The following CHRM3 variants were observed in gnomAD, a reference collection of about 807,000 sequenced individuals.
The protein encoded by CHRM3 is cholinergic receptor muscarinic 3, also known as muscarinic acetylcholine receptor M3.
Under a neutral mutation model 41.8 loss-of-function variants are expected in CHRM3, and 11 were observed. The observed-to-expected ratio is 0.26, with a 90% CI of 0.17 to 0.44. The LOEUF is 0.44. Ranked by LOEUF, CHRM3 falls within the 20% of genes least tolerant of loss-of-function variation. CHRM3 has a pLI of 1.00. For synonymous variants in CHRM3, 297 were observed against 301.4 expected, an observed-to-expected ratio of 0.99 and a Z score of 0.15; for missense variants, 571 against 745.4, an observed-to-expected ratio of 0.77 and a Z score of 2.72.
chr1:239,451,259 T>C (rs1664536292), intron 1 of CHRM3, among the ~76,000 whole-genome samples: 3 of 152,180 alleles, frequency 2.0e-5, no homozygotes, highest in Non-Finnish European at 4.4e-5. Context: ...CCAACCACAC[T>C]ATAGTAGTCT....
chr1:239,407,997 T>C (rs1414175101), intron 1 of CHRM3, among the ~76,000 whole-genome samples: 1 of 152,090 alleles, frequency 6.6e-6, no homozygotes. Context: ...GCAATTGATA[T>C]GGTTTGCCTG....
At chr1:239,794,747 A>G (rs1392628089) in intron 5 of CHRM3, among the ~76,000 whole-genome samples, 1 of 152,228 alleles carries the variant, frequency 6.6e-6, no homozygotes, top group East Asian at 1.9e-4. Context: ...TTTATAACAC[A>G]TGAAACCACT....
At chr1:239,565,257 G>A (rs1661242869) in intron 3 of CHRM3, among the ~76,000 whole-genome samples, 1 of 152,144 alleles carries the variant, frequency 6.6e-6, no homozygotes. Flanking sequence ...TTAGGATCCT[G>A]GATGGGCCCT....
intron 6 of CHRM3, among the ~76,000 whole-genome samples, chr1:239,872,548 C>T (rs1676683688): frequency 6.6e-6 from 1 of 152,180 alleles, no homozygotes; most frequent in African/African-American, 2.4e-5. Flanking sequence ...CTATCCAGAA[C>T]ATCTGAGAAA....
chr1:239,746,177 A>C (rs927732888), intron 5 of CHRM3, among the ~76,000 whole-genome samples: 4 of 152,252 alleles, frequency 2.6e-5, no homozygotes, highest in Admixed American at 2.6e-4. Flanking sequence ...CTGCCCAAAT[A>C]CAAGCGGTAG....
At chr1:239,790,462 G>T (rs1167043785) in intron 5 of CHRM3, among the ~76,000 whole-genome samples, 1 of 152,118 alleles carries the variant, frequency 6.6e-6, no homozygotes, top group Non-Finnish European at 1.5e-5. Context: ...TTTATAAAGG[G>T]GAGTTCCCCT....
chr1:239,730,742 T>C (rs1392123892), intron 5 of CHRM3, among the ~76,000 whole-genome samples: 1 of 151,868 alleles, frequency 6.6e-6, no homozygotes, highest in Non-Finnish European at 1.5e-5. Flanking sequence ...GGGGGTACAA[T>C]GGAAAGATTT....
intron 5 of CHRM3, among the ~76,000 whole-genome samples, chr1:239,747,865 C>T (rs1400985656): frequency 6.6e-6 from 1 of 152,066 alleles, no homozygotes; most frequent in Non-Finnish European, 1.5e-5. Flanking sequence ...AACCCCATCT[C>T]TACTAAAAAT....
intron 3 of CHRM3, among the ~76,000 whole-genome samples, chr1:239,552,906 A>G (rs1162150233): frequency 1.3e-5 from 2 of 152,066 alleles, no homozygotes; most frequent in Non-Finnish European, 2.9e-5. Flanking sequence ...TTTCTGGATT[A>G]CTATTTTCTA....
chr1:239,456,120 T>C (rs1207962625), intron 1 of CHRM3, among the ~76,000 whole-genome samples: 1 of 152,178 alleles, frequency 6.6e-6, no homozygotes, highest in Non-Finnish European at 1.5e-5. Flanking sequence ...TTCAGTTCTT[T>C]GATACTTTTT....
intron 6 of CHRM3, among the ~76,000 whole-genome samples, chr1:239,881,631 G>A (rs1310182755): frequency 2.6e-5 from 4 of 152,038 alleles, no homozygotes; most frequent in Admixed American, 6.6e-5. Flanking sequence ...CCCAAGCCAG[G>A]GACTTGGAAC....
rs1667865552 is a variant in CHRM3, at chr1:239,496,138, T to G, written c.-422+3331T>G. On this transcript the variant is annotated intron_variant, in intron 2 of 6. Coordinates refer to ENST00000676153, the MANE Select transcript of CHRM3 (RefSeq NM_001375978.1). The stretch of plus-strand genomic sequence containing the variant: ...GCTGACGTCTCTCTATTTATTTCTT[T>G]TTTTCTTGAACATATAGATGCAGAA... 2.6e-5 allele frequency among the ~76,000 whole-genome samples: 4 copies of G among 152,130 alleles called. No homozygotes were observed. In the South Asian group the frequency reaches 8.3e-4, roughly 31 times the overall value.
intron 6 of CHRM3, among the ~76,000 whole-genome samples, chr1:239,894,016 T>C (rs1678772204): frequency 6.6e-6 from 1 of 152,328 alleles, no homozygotes; most frequent in Admixed American, 6.5e-5. Flanking sequence ...TCTTTTGCTC[T>C]CATCTTGTTG....
chr1:239,890,303 T>C (rs1420380742), intron 6 of CHRM3, among the ~76,000 whole-genome samples: 3 of 150,760 alleles, frequency 2.0e-5, no homozygotes, highest in Non-Finnish European at 4.4e-5. Context: ...GCCGAAATCA[T>C]GCCATTGCAC....
At chr1:239,499,894 TAGGA>T (rs1487251578) in intron 2 of CHRM3, among the ~76,000 whole-genome samples, 1 of 152,042 alleles carries the variant, frequency 6.6e-6, no homozygotes, top group Non-Finnish European at 1.5e-5. Context: ...AATCATCATA[TAGGA>T]AGGAAAGATA....
At chr1:239,890,128 C>T (rs1678423926) in intron 6 of CHRM3, among the ~76,000 whole-genome samples, 1 of 151,932 alleles carries the variant, frequency 6.6e-6, no homozygotes, top group Admixed American at 6.6e-5. Context: ...ATGGAGAAAC[C>T]CCGTCTCTAC....
chr1:239,411,361 T>C (rs11577797), intron 1 of CHRM3, among the ~76,000 whole-genome samples: 33,924 of 152,002 alleles, frequency 0.22, 3,896 homozygotes, highest in South Asian at 0.29. Flanking sequence ...TGTAGCTTAT[T>C]TGGGCAGCAA....
At position 239,909,728 on chromosome 1, in the gene CHRM3, T is replaced by G. The variant is rs531238604; in HGVS notation, c.*504T>G. 2.1e-3 allele frequency: 355 copies of G among 168,400 alleles called. No individual in the cohort carries two copies. Among genetic ancestry groups the G allele is most frequent in the Middle Eastern group, 6.8e-3 (2 of 296 alleles). 10.4% of individuals were successfully genotyped at this position (168,400 alleles called of 1,614,324 possible). On this transcript the variant is annotated 3_prime_UTR_variant, in exon 7 of 7. Transcript: ENST00000676153. Reference sequence around the variant, plus strand: ...CTGAATCTTCTTGTCCCAATAGAGCTTCCTGTCTTTTCTTTGGTGTGTTGT... The same window carrying G: ...CTGAATCTTCTTGTCCCAATAGAGCGTCCTGTCTTTTCTTTGGTGTGTTGT...
intron 2 of CHRM3, among the ~76,000 whole-genome samples, chr1:239,538,435 T>A (rs1658419103): frequency 6.6e-6 from 1 of 152,218 alleles, no homozygotes; most frequent in South Asian, 2.1e-4. Context: ...TCTGCTCTAT[T>A]GTGACAGCTC....
Sources: allele counts gnomAD v4.1 joint callset (sites outside exome capture counted in the v4.1 genomes callset), GRCh38; gene constraint gnomAD v4.1.1; transcripts MANE v1.5; gene names NCBI Gene and HGNC (gene_info 2026-07-23, HGNC 2026-07-21).